The following LRRC4C variants were observed in gnomAD, a reference collection of about 807,000 sequenced individuals.
LRRC4C encodes leucine rich repeat containing 4C, also known as leucine-rich repeat-containing protein 4C.
Under a neutral mutation model 33.6 loss-of-function variants are expected in LRRC4C, and 5 were observed. The observed-to-expected ratio is 0.15, with a 90% CI of 0.08 to 0.31. The LOEUF (loss-of-function observed/expected upper bound fraction) is 0.31. Ranked by LOEUF, LRRC4C falls within the 10% of genes least tolerant of loss-of-function variation. The pLI is 1.00. For synonymous variants in LRRC4C, 329 were observed against 302.0 expected, an observed-to-expected ratio of 1.09 and a Z score of -0.93; for missense variants, 560 against 796.7, an observed-to-expected ratio of 0.70 and a Z score of 3.58.
chr11:41,221,832 G>C (rs1340589400), intron 1 of LRRC4C, among the ~76,000 whole-genome samples: 2 of 152,138 alleles, frequency 1.3e-5, no homozygotes, highest in African/African-American at 4.8e-5. Flanking sequence ...AACATCATTA[G>C]TTCTAGTTTT....
chr11:40,678,521 C>T (rs1449716192), intron 2 of LRRC4C, among the ~76,000 whole-genome samples: 1 of 152,154 alleles, frequency 6.6e-6, no homozygotes, highest in African/African-American at 2.4e-5. Flanking sequence ...ACCCAAATCT[C>T]ATCTTGAATT....
intron 6 of LRRC4C, among the ~76,000 whole-genome samples, chr11:40,128,195 C>T (rs1006253773): frequency 3.3e-5 from 5 of 152,104 alleles, no homozygotes; most frequent in African/African-American, 7.2e-5. Context: ...GAGGATTACA[C>T]GAATTAAATG....
intron 2 of LRRC4C, among the ~76,000 whole-genome samples, chr11:40,909,848 C>T (rs933292345): frequency 3.3e-5 from 5 of 152,052 alleles, no homozygotes; most frequent in Non-Finnish European, 7.4e-5. Flanking sequence ...AATGCTTTGC[C>T]TAAATTCACA....
chr11:40,893,099 T>C (rs1814138981), intron 2 of LRRC4C, among the ~76,000 whole-genome samples: 1 of 151,968 alleles, frequency 6.6e-6, no homozygotes, highest in African/African-American at 2.4e-5. Flanking sequence ...TGAAGGACAT[T>C]ATGTTAAATG....
At chr11:41,456,376 CT>C (rs112825889) in intron 1 of LRRC4C, among the ~76,000 whole-genome samples, 48 of 146,256 alleles carry the variant, frequency 3.3e-4, no homozygotes, top group South Asian at 6.5e-4. Context: ...ATGTTCCTGG[CT>C]TTTTTTTTTT....
chr11:40,570,791 A>C (rs1330505566), intron 3 of LRRC4C, among the ~76,000 whole-genome samples: 1 of 152,142 alleles, frequency 6.6e-6, no homozygotes, highest in Non-Finnish European at 1.5e-5. Context: ...ATTTAAATTG[A>C]TTCTTTGATG....
At chr11:40,220,486 A>AAT (rs1406413430) in intron 5 of LRRC4C, among the ~76,000 whole-genome samples, 2 of 152,160 alleles carry the variant, frequency 1.3e-5, no homozygotes, top group Non-Finnish European at 2.9e-5. Flanking sequence ...TGAAGGCCTA[A>AAT]ATATGAGTGA....
At chr11:40,838,857 A>G (rs895387101) in intron 2 of LRRC4C, among the ~76,000 whole-genome samples, 2 of 152,106 alleles carry the variant, frequency 1.3e-5, no homozygotes, top group African/African-American at 4.8e-5. Context: ...TTATTATAGA[A>G]GAATAAATCC....
At chr11:40,611,267 G>C (rs1961188846) in intron 3 of LRRC4C, among the ~76,000 whole-genome samples, 1 of 151,794 alleles carries the variant, frequency 6.6e-6, no homozygotes, top group Admixed American at 6.6e-5. Flanking sequence ...CTACACAATG[G>C]GGAAAGGATT....
chr11:40,513,821 T>C (rs1340059146), intron 3 of LRRC4C, among the ~76,000 whole-genome samples: 4 of 152,176 alleles, frequency 2.6e-5, no homozygotes, highest in Non-Finnish European at 5.9e-5. Context: ...GTTTTTTGGC[T>C]TCCATTTTCT....
chr11:41,182,019 C>A (rs1590861379), intron 1 of LRRC4C, among the ~76,000 whole-genome samples: 1 of 152,136 alleles, frequency 6.6e-6, no homozygotes, highest in Non-Finnish European at 1.5e-5. Context: ...ATAAGTGCAT[C>A]CCAATTCACA....
intron 1 of LRRC4C, among the ~76,000 whole-genome samples, chr11:41,311,698 T>C (rs1950646789): frequency 6.6e-6 from 1 of 152,240 alleles, no homozygotes; most frequent in African/African-American, 2.4e-5. Context: ...ATTGTATCAT[T>C]ATTTTACCAG....
At chr11:40,459,800 G>T (rs1005836351) in intron 3 of LRRC4C, among the ~76,000 whole-genome samples, 1 of 151,156 alleles carries the variant, frequency 6.6e-6, no homozygotes, top group South Asian at 2.1e-4. Flanking sequence ...AGGGGTCCTT[G>T]TTGTTGGTGC....
At chr11:41,078,938 C>G (rs181698002) in intron 1 of LRRC4C, among the ~76,000 whole-genome samples, 10 of 152,278 alleles carry the variant, frequency 6.6e-5, no homozygotes, top group Non-Finnish European at 1.0e-4. Flanking sequence ...GCAATAACCT[C>G]CTAAAGTGTT....
At chr11:41,295,084 T>C (rs550761075) in intron 1 of LRRC4C, among the ~76,000 whole-genome samples, 4 of 152,336 alleles carry the variant, frequency 2.6e-5, no homozygotes, top group African/African-American at 9.6e-5. Flanking sequence ...TTTCATTCTG[T>C]GATCTATCAT....
intron 2 of LRRC4C, among the ~76,000 whole-genome samples, chr11:40,877,892 G>GCAGGC (rs1459508187): frequency 6.6e-6 from 1 of 152,092 alleles, no homozygotes; most frequent in Non-Finnish European, 1.5e-5. Context: ...ATTACACAAA[G>GCAGGC]CAGGCCTGGA....
chr11:40,591,181 T>C (rs1959037468), intron 3 of LRRC4C, among the ~76,000 whole-genome samples: 1 of 152,124 alleles, frequency 6.6e-6, no homozygotes, highest in Admixed American at 6.5e-5. Flanking sequence ...AATCTCTTGG[T>C]GTGCCATTTT....
chr11:41,396,138 A>T (rs1424461878), intron 1 of LRRC4C, among the ~76,000 whole-genome samples: 1 of 152,042 alleles, frequency 6.6e-6, no homozygotes, highest in Non-Finnish European at 1.5e-5. Flanking sequence ...AAGCCAAAAG[A>T]TTGGACCCCC....
At chr11:40,598,677 A>G (rs1440495708) in intron 3 of LRRC4C, among the ~76,000 whole-genome samples, 1 of 152,178 alleles carries the variant, frequency 6.6e-6, no homozygotes, top group Non-Finnish European at 1.5e-5. Flanking sequence ...TTTAATATGT[A>G]CCAGAATTAA....
Sources: gnomAD v4.1 joint callset for allele counts (sites outside exome capture counted in the v4.1 genomes callset) on GRCh38, gnomAD v4.1.1 for gene constraint, MANE v1.5 for transcripts, NCBI Gene and HGNC (gene_info 2026-07-23, HGNC 2026-07-21) for gene names.